SPRR1B: variants seen among roughly 807,000 people sequenced by gnomAD.
SPRR1B encodes the protein cornifin-B.
A neutral mutation model predicts 1.2 loss-of-function variants in SPRR1B; 1 was observed. The ratio of observed to expected loss-of-function variants is 0.82; its 90% confidence interval spans 0.29 to 3.89. SPRR1B has a LOEUF of 3.89. SPRR1B is among the 30% of genes most tolerant of loss of function. SPRR1B has a pLI of 0.18. For missense variants in SPRR1B, 102 were observed against 106.0 expected, an observed-to-expected ratio of 0.96 and a Z score of 0.17; for synonymous variants, 37 against 38.3, an observed-to-expected ratio of 0.97 and a Z score of 0.13.
At position 153,032,646 on chromosome 1, in the gene SPRR1B, G is replaced by A. The variant is rs774629236; in HGVS notation, c.*31G>A. 8.1e-6 allele frequency: 13 copies of A among 1,601,658 alleles called. No individual in the cohort carries two copies. Among genetic ancestry groups the A allele is most frequent in the Admixed American group, 3.4e-5 (2 of 58,890 alleles). On this transcript the variant is annotated 3_prime_UTR_variant, in exon 2 of 2. Coordinates refer to ENST00000307098, the MANE Select transcript of SPRR1B (RefSeq NM_003125.3). ...TCCACAGCCATGCCCTTGAGGAGCC[G>A]GCCACCAGATGCTGAATCCCCTATC... is the stretch of plus-strand genomic sequence containing the variant.
In SPRR1B at chr1:153,032,649, C is replaced by T; in HGVS notation, c.*34C>T. Reference sequence around the variant, plus strand: ...ACAGCCATGCCCTTGAGGAGCCGGCCACCAGATGCTGAATCCCCTATCCCA... The same window carrying T: ...ACAGCCATGCCCTTGAGGAGCCGGCTACCAGATGCTGAATCCCCTATCCCA... On this transcript the variant is annotated 3_prime_UTR_variant, in exon 2 of 2. Transcript: ENST00000307098. The T allele has an allele frequency of 6.2e-7, 1 of 1,600,696 alleles. No homozygotes were observed. The highest frequency in any genetic ancestry group is 1.1e-5 in the South Asian group (1 of 89,430).
chr1:153,032,587 C>T lies in SPRR1B; in HGVS notation c.242C>T (p.Pro81Leu), dbSNP rs758462095. Residue 81 changes from proline (P) to leucine (L), a missense_variant, in exon 2 of 2, where the codon CCA (proline) becomes CTA (leucine). Pro to Leu is a moderately conservative substitution (Grantham distance 98). Coordinates refer to ENST00000307098, the MANE Select transcript of SPRR1B (RefSeq NM_003125.3). ...EPCPSIVTPA[P>L]AQQKTKQK The stretch of plus-strand genomic sequence containing the variant: ...TGCCCTTCAATAGTCACTCCAGCAC[C>T]AGCCCAGCAGAAGACCAAGCAGAAG... 2 of 1,613,910 alleles carry T rather than the reference C, an allele frequency of 1.2e-6. No homozygotes were observed. Among genetic ancestry groups the T allele is most frequent in the South Asian group, 2.2e-5 (2 of 91,056 alleles).
intron 1 of SPRR1B, 144 bp from the exon 2 acceptor site, chr1:153,032,183 C>A: frequency 8.9e-7 from 1 of 1,125,020 alleles, no homozygotes; most frequent in Non-Finnish European, 1.3e-6. Context: ...TTAGGTTCCT[C>A]TTCTTCAAAG....
chr1:153,032,239 G>A, intron 1 of SPRR1B, 88 bp from the exon 2 acceptor site: 2 of 1,439,182 alleles, frequency 1.4e-6, no homozygotes, highest in Non-Finnish European at 1.9e-6. Context: ...GAAGGGGAAA[G>A]AACATAGCTT....
rs573759994 is a variant in SPRR1B, at chr1:153,032,446, T to A, written c.101T>A (p.Ile34Asn). 1.1e-5 allele frequency: 18 copies of A among 1,613,560 alleles called. No homozygotes were observed. The highest frequency in any genetic ancestry group is 1.5e-5 in the Non-Finnish European group (18 of 1,179,906). ...CAGCCTCCACCTCAGGAACCATGCATCCCCAAAACCAAGGAGCCCTGCCAC... is the reference window on the plus strand; with the variant it reads ...CAGCCTCCACCTCAGGAACCATGCAACCCCAAAACCAAGGAGCCCTGCCAC... ...PCQPPPQEPCIPKTKEPCHPK... is the reference protein window; with the variant it reads ...PCQPPPQEPCNPKTKEPCHPK... The change falls in exon 2 of 2, where the codon ATC (isoleucine) becomes AAC (asparagine). Residue 34 changes from isoleucine to asparagine, a missense_variant. Ile to Asn is a moderately radical substitution (Grantham distance 149). Coordinates refer to ENST00000307098, the MANE Select transcript of SPRR1B (RefSeq NM_003125.3).
chr1:153,032,722 C>A lies in SPRR1B; in HGVS notation c.*107C>A. 1 of 1,504,870 alleles carries A rather than the reference C, an allele frequency of 6.6e-7. No individual in the cohort carries two copies. Among genetic ancestry groups the A allele is most frequent in the East Asian group, 2.3e-5 (1 of 43,214 alleles). The allele number at this position is 1,504,870 out of a possible 1,614,324, so 93.2% of individuals were successfully genotyped here. On this transcript the variant is annotated 3_prime_UTR_variant, in exon 2 of 2. Transcript: ENST00000307098. ...CCTTGCAATTAGCATTCTGTCTCCC[C>A]CAAAAAAGAATGTGCTATGAAGCTT... is the stretch of plus-strand genomic sequence containing the variant.
At chr1:153,031,927 C>T (rs1653719148) in intron 1 of SPRR1B, among the ~76,000 whole-genome samples, 1 of 152,144 alleles carries the variant, frequency 6.6e-6, no homozygotes, top group Non-Finnish European at 1.5e-5. Flanking sequence ...AGCCAGGCCA[C>T]AGGTGGGATT....
At chr1:153,031,766 G>T (rs989579539) in intron 1 of SPRR1B, among the ~76,000 whole-genome samples, 4 of 152,176 alleles carry the variant, frequency 2.6e-5, no homozygotes, top group Non-Finnish European at 5.9e-5. Context: ...GGTGATTAGG[G>T]CAAGTTCTGT....
Position 153,032,254 on chromosome 1 carries a change from A to G in SPRR1B, c.-19-73A>G, listed in dbSNP as rs983178718. 10 of 1,491,666 alleles carry G rather than the reference A, an allele frequency of 6.7e-6. No individual in the cohort carries two copies. The East Asian group carries it at 1.1e-4, about 17-fold the overall frequency. 92.4% of individuals were successfully genotyped at this position (1,491,666 alleles called of 1,614,324 possible). A position where few individuals can be genotyped will look rare whatever the true frequency, so the allele number is the denominator to read the frequency against. On this transcript the variant is annotated intron_variant, in intron 1 of 1. Coordinates refer to ENST00000307098, the MANE Select transcript of SPRR1B (RefSeq NM_003125.3). ...GAAGGGGAAAGAACATAGCTTTTTA[A>G]GAGACCAGAAGTGGTATTCACCATG... is the stretch of plus-strand genomic sequence containing the variant.
At chr1:153,031,448 A>G (rs1653704728) in intron 1 of SPRR1B, among the ~76,000 whole-genome samples, 1 of 152,170 alleles carries the variant, frequency 6.6e-6, no homozygotes, top group Non-Finnish European at 1.5e-5. Flanking sequence ...GAATTTAGAC[A>G]TTATCAGTTC....
rs779949387 is a variant in SPRR1B at position 153,032,611 on chromosome 1, A to T, written c.266A>T (p.Lys89Met). Residue 89 changes from lysine to methionine, a missense_variant, in exon 2 of 2, where the codon AAG (lysine) becomes ATG (methionine). Coordinates refer to ENST00000307098, the MANE Select transcript of SPRR1B (RefSeq NM_003125.3). ...PAPAQQKTKQ[K>M] ...CCAGCCCAGCAGAAGACCAAGCAGAAGTAATGTGGTCCACAGCCATGCCCT... is the reference window on the plus strand; with the variant it reads ...CCAGCCCAGCAGAAGACCAAGCAGATGTAATGTGGTCCACAGCCATGCCCT... 2.7e-5 allele frequency: 44 copies of T among 1,613,434 alleles called. 1 individual carries two copies. In the Middle Eastern group the frequency reaches 2.1e-3, roughly 78 times the overall value.
In SPRR1B at chr1:153,032,843, A is replaced by G. The variant is rs1340776312; in HGVS notation, c.*228A>G. ...CAGAATTCATCTGAAGAGAGACTTA[A>G]GATGAAAGCAAATGATTCAGCTCCC... is the stretch of plus-strand genomic sequence containing the variant. On this transcript the variant is annotated 3_prime_UTR_variant, in exon 2 of 2. Coordinates refer to ENST00000307098, the MANE Select transcript of SPRR1B (RefSeq NM_003125.3). 28 of 776,836 alleles carry G rather than the reference A, an allele frequency of 3.6e-5. No individual in the cohort carries two copies. The highest frequency in any genetic ancestry group is 4.8e-5 in the Non-Finnish European group (24 of 498,106). 48.1% of individuals were successfully genotyped at this position (776,836 alleles called of 1,614,324 possible). A position where few individuals can be genotyped will look rare whatever the true frequency, so the allele number is the denominator to read the frequency against.
Position 153,032,689 on chromosome 1 carries a change from C to T in SPRR1B, c.*74C>T, listed in dbSNP as rs1367910354. 4 of 1,545,894 alleles carry T rather than the reference C, an allele frequency of 2.6e-6. No homozygotes were observed. Among genetic ancestry groups the T allele is most frequent in the Non-Finnish European group, 3.5e-6 (4 of 1,147,302 alleles). On this transcript the variant is annotated 3_prime_UTR_variant, in exon 2 of 2. Transcript: ENST00000307098. ...CCCCTATCCCATTCTGCGTATGAGT[C>T]CCATTTGCCTTGCAATTAGCATTCT...
chr1:153,031,440 A>C (rs4845519), intron 1 of SPRR1B, among the ~76,000 whole-genome samples, 193 bp downstream of exon 1: 74,841 of 151,868 alleles, frequency 0.49, 18,573 homozygotes, highest in East Asian at 0.61. Flanking sequence ...CTTGAAGAGA[A>C]TTTAGACATT....
chr1:153,031,762 T>C (rs1165899167), intron 1 of SPRR1B, among the ~76,000 whole-genome samples: 1 of 152,170 alleles, frequency 6.6e-6, no homozygotes. Flanking sequence ...GCCAGGTGAT[T>C]AGGGCAAGTT....
At chr1:153,031,867 T>A (rs1199486125) in intron 1 of SPRR1B, among the ~76,000 whole-genome samples, 1 of 152,170 alleles carries the variant, frequency 6.6e-6, no homozygotes, top group Non-Finnish European at 1.5e-5. Flanking sequence ...GTTTGGTTAG[T>A]GCTTGAATGA....
Position 153,032,340 on chromosome 1 carries a change from T to A in SPRR1B, c.-6T>A. The A allele has an allele frequency of 6.2e-7, 1 of 1,613,338 alleles. No homozygotes were observed. Among genetic ancestry groups the A allele is most frequent in the Non-Finnish European group, 8.5e-7 (1 of 1,179,626 alleles). On this transcript the variant is annotated 5_prime_UTR_variant, in exon 2 of 2. Coordinates refer to ENST00000307098, the MANE Select transcript of SPRR1B (RefSeq NM_003125.3). ...TTCTGTGTCCAGGACCAGTCACTGT[T>A]GCAGCATGAGTTCCCAGCAGCAGAA...
rs1653738868 is a variant in SPRR1B at position 153,032,474 on chromosome 1, C to G, written c.129C>G (p.Pro43=). Residue 43 remains proline (P), a synonymous_variant, in exon 2 of 2, where the codon CCC becomes CCG. Transcript: ENST00000307098. ...CCAAAACCAAGGAGCCCTGCCACCC[C>G]AAGGTGCCTGAGCCCTGCCACCCCA... ...CIPKTKEPCH[P]KVPEPCHPKV... 1 of 1,496,102 alleles carries G rather than the reference C, an allele frequency of 6.7e-7. No individual in the cohort carries two copies. Among genetic ancestry groups the G allele is most frequent in the Non-Finnish European group, 9.2e-7 (1 of 1,086,000 alleles). 92.7% of individuals were successfully genotyped at this position (1,496,102 alleles called of 1,614,324 possible).
chr1:153,032,548 A>T lies in SPRR1B; in HGVS notation c.203A>T (p.Lys68Met). The part of the protein sequence containing the change: ...QPKVPEPCHP[K>M]VPEPCPSIVT... ...AAGGTTCCAGAGCCATGCCACCCCA[A>T]GGTGCCTGAGCCCTGCCCTTCAATA... Residue 68 changes from lysine to methionine, a missense_variant, in exon 2 of 2, where the codon AAG becomes ATG. Coordinates refer to ENST00000307098, the MANE Select transcript of SPRR1B (RefSeq NM_003125.3). 1.2e-6 allele frequency: 2 copies of T among 1,611,914 alleles called. No homozygotes were observed. The highest frequency in any genetic ancestry group is 1.7e-6 in the Non-Finnish European group (2 of 1,178,462).
Sources: gnomAD v4.1 joint callset for allele counts (sites outside exome capture counted in the v4.1 genomes callset) on GRCh38, gnomAD v4.1.1 for gene constraint, MANE v1.5 for transcripts, NCBI Gene and HGNC (gene_info 2026-07-23, HGNC 2026-07-21) for gene names.